The following CDH11 variants were observed in gnomAD, a reference collection of about 807,000 sequenced individuals.
CDH11 encodes cadherin 11, also known as cadherin-11.
Under a neutral mutation model 67.8 loss-of-function variants are expected in CDH11, and 11 were observed. That is an observed-to-expected ratio of 0.16 (90% CI 0.10 to 0.27). CDH11 has a LOEUF of 0.27. Among genes scored for constraint, CDH11 ranks in the 10% least tolerant of loss-of-function variants. CDH11 has a pLI of 1.00. For missense variants in CDH11, 847 were observed against 1,031.2 expected (o/e 0.82, Z 2.45); for synonymous variants, 419 against 400.0 (o/e 1.05, Z -0.57).
In CDH11 at chr16:64,950,951, C is replaced by T. The variant is rs1480646812; in HGVS notation, c.1710G>A (p.Leu570=). The change falls in exon 12 of 13, where the codon CTG becomes CTA. Residue 570 remains leucine (L), a synonymous_variant. Transcript: ENST00000268603. The stretch of plus-strand genomic sequence containing the variant: ...TGCCGCCATCGCTGATCACTATGGG[C>T]AGAAGGTACAAGTCCTGCTTCTGCC... The part of the protein sequence containing the change: ...FSRQKQDLYL[L]PIVISDGGIP... 6.2e-7 allele frequency: 1 copy of T among 1,614,166 alleles called. No individual in the cohort carries two copies. Among genetic ancestry groups the T allele is most frequent in the South Asian group, 1.1e-5 (1 of 91,086 alleles).
chr16:65,053,786 A>T lies in CDH11; in HGVS notation c.-173+18T>A, dbSNP rs2074097612. 2.2e-6 allele frequency: 1 copy of T among 455,882 alleles called. No homozygotes were observed. The highest frequency in any genetic ancestry group is 2.3e-5 in the Admixed American group (1 of 42,556). 28.2% of individuals were successfully genotyped at this position (455,882 alleles called of 1,614,324 possible). On this transcript the variant is annotated intron_variant, in intron 2 of 12. Coordinates refer to ENST00000268603, the MANE Select transcript of CDH11 (RefSeq NM_001797.4). ...CATAGTAATATGTGAATTGTTCAGT[A>T]ATATTAGTCCAACTTACCTTCTTCA...
At chr16:65,017,810 A>C (rs1158971055) in intron 2 of CDH11, among the ~76,000 whole-genome samples, 1 of 152,132 alleles carries the variant, frequency 6.6e-6, no homozygotes, top group African/African-American at 2.4e-5. Flanking sequence ...ATAAGCAGTC[A>C]ATCTAAATTG....
chr16:65,029,811 C>G (rs1241490688), intron 2 of CDH11, among the ~76,000 whole-genome samples: 1 of 152,134 alleles, frequency 6.6e-6, no homozygotes, highest in South Asian at 2.1e-4. Flanking sequence ...CAACACAAAC[C>G]TACAGCATTT....
chr16:64,945,915 A>C lies in CDH11; in HGVS notation c.*1688T>G. 9.4e-7 allele frequency: 1 copy of C among 1,058,208 alleles called. No homozygotes were observed. The highest frequency in any genetic ancestry group is 1.1e-6 in the Non-Finnish European group (1 of 874,840). 65.6% of individuals were successfully genotyped at this position (1,058,208 alleles called of 1,614,324 possible). A position where few individuals can be genotyped will look rare whatever the true frequency, so the allele number is the denominator to read the frequency against. On this transcript the variant is annotated 3_prime_UTR_variant, in exon 13 of 13. Coordinates refer to ENST00000268603, the MANE Select transcript of CDH11 (RefSeq NM_001797.4). ...CCCTGTGTGTAGGGGGAAAGAGGGA[A>C]AGCACTTGCAGTGTGACTTTATGTG...
upstream of CDH11, chr16:65,122,157 G>T (rs1406250174): frequency 1.8e-6 from 1 of 555,642 alleles, no homozygotes; most frequent in Non-Finnish European, 3.1e-6. Context: ...GGAGGAGGGA[G>T]GCTGCCGCTG....
intron 5 of CDH11, among the ~76,000 whole-genome samples, chr16:64,992,537 G>A (rs948832434): frequency 6.6e-6 from 1 of 152,214 alleles, no homozygotes; most frequent in Non-Finnish European, 1.5e-5. Context: ...TGAGTGCCAT[G>A]CTCACTTAAA....
chr16:64,985,288 T>C (rs915944011), intron 7 of CDH11: 1 of 152,204 alleles, frequency 6.6e-6, no homozygotes, highest in South Asian at 2.1e-4. Flanking sequence ...TGAATGATTC[T>C]ATCTAGTAAT....
At chr16:65,060,455 C>T (rs1455409278) in intron 1 of CDH11, among the ~76,000 whole-genome samples, 1 of 151,692 alleles carries the variant, frequency 6.6e-6, no homozygotes, top group Non-Finnish European at 1.5e-5. Flanking sequence ...TTTATTTTTG[C>T]CTAAAATGCT....
intron 5 of CDH11, among the ~76,000 whole-genome samples, chr16:64,992,686 T>G (rs1183911488): frequency 6.6e-6 from 1 of 152,264 alleles, no homozygotes; most frequent in Non-Finnish European, 1.5e-5. Context: ...TAGATTATAG[T>G]TGTTATTGGG....
At chr16:65,033,767 T>TAAAATAAAATAAAATA (rs2073696043) in intron 2 of CDH11, among the ~76,000 whole-genome samples, 1 of 151,662 alleles carries the variant, frequency 6.6e-6, no homozygotes, top group Non-Finnish European at 1.5e-5. Context: ...TAAAATAAAA[T>TAAAATAAAATAAAATA]AGTTTAGCAC....
intron 1 of CDH11, among the ~76,000 whole-genome samples, chr16:65,056,542 G>A (rs1567552578): frequency 2.0e-5 from 3 of 152,134 alleles, no homozygotes; most frequent in Admixed American, 1.3e-4. Flanking sequence ...TATAAACAGG[G>A]GTGGAAAAGA....
intron 8 of CDH11, among the ~76,000 whole-genome samples, chr16:64,978,163 C>A (rs371063065): frequency 6.6e-6 from 1 of 152,196 alleles, no homozygotes; most frequent in East Asian, 1.9e-4. Flanking sequence ...ACTTCTATCA[C>A]GCCTCCTGTT....
rs114533902 is a variant in CDH11, at chr16:65,028,574, C to T, written c.-172-23533G>A. On this transcript the variant is annotated intron_variant, in intron 2 of 12. Coordinates refer to ENST00000268603, the MANE Select transcript of CDH11 (RefSeq NM_001797.4). ...TTCCCTCTCTTCCCTTACTCTGCAG[C>T]TGAGATATCCCAGCCTGTCCTACGG... 4.6e-3 allele frequency among the ~76,000 whole-genome samples: 708 copies of T among 152,292 alleles called. 4 individuals carry two copies. The highest frequency in any genetic ancestry group is 0.016 in the African/African-American group (673 of 41,556).
rs909332073 is a variant in CDH11 at position 64,951,091 on chromosome 16, G to C, written c.1643-73C>G. 49 of 1,433,242 alleles carry C rather than the reference G, an allele frequency of 3.4e-5. No homozygotes were observed. In the African/African-American group the frequency reaches 5.2e-4, roughly 15 times the overall value. 88.8% of individuals were successfully genotyped at this position (1,433,242 alleles called of 1,614,324 possible). A position where few individuals can be genotyped will look rare whatever the true frequency, so the allele number is the denominator to read the frequency against. On this transcript the variant is annotated intron_variant, in intron 11 of 12. Transcript: ENST00000268603. ...AATCACAGCGGCTCTCTGCTCGGCA[G>C]ATTTGAGGGCACTCTCTTATCATAA...
At chr16:65,106,952 T>C (rs1024370081) in intron 1 of CDH11, among the ~76,000 whole-genome samples, 2 of 151,758 alleles carry the variant, frequency 1.3e-5, no homozygotes, top group Non-Finnish European at 2.9e-5. Context: ...AGAAAAGTCA[T>C]GGGAAAAGGT....
At chr16:64,973,459 T>C (rs1186582475) in intron 8 of CDH11, among the ~76,000 whole-genome samples, 1 of 152,188 alleles carries the variant, frequency 6.6e-6, no homozygotes, top group African/African-American at 2.4e-5. Context: ...CGTTCAAGTG[T>C]ATTTAAATTT....
chr16:64,979,213 G>T (rs1255297002), intron 8 of CDH11, among the ~76,000 whole-genome samples: 3 of 152,244 alleles, frequency 2.0e-5, no homozygotes, highest in Non-Finnish European at 4.4e-5. Flanking sequence ...ACTTTGGAAG[G>T]CAGAAACAGG....
At chr16:64,988,609 C>A (rs943603407) in intron 6 of CDH11, among the ~76,000 whole-genome samples, 4 of 152,098 alleles carry the variant, frequency 2.6e-5, no homozygotes, top group African/African-American at 4.8e-5. Flanking sequence ...GGGAGAAAAA[C>A]AATGCTCTGT....
chr16:65,071,370 A>G (rs1439274853), intron 1 of CDH11, among the ~76,000 whole-genome samples: 1 of 152,118 alleles, frequency 6.6e-6, no homozygotes, highest in Non-Finnish European at 1.5e-5. Flanking sequence ...ATGTATAAAT[A>G]TATGCACATA....
Sources: gnomAD v4.1 joint callset for allele counts (sites outside exome capture counted in the v4.1 genomes callset) on GRCh38, gnomAD v4.1.1 for gene constraint, MANE v1.5 for transcripts, NCBI Gene and HGNC (gene_info 2026-07-23, HGNC 2026-07-21) for gene names.